The following CACHD1 variants were observed in gnomAD, a reference collection of about 807,000 sequenced individuals.
CACHD1 encodes cache domain containing 1, also known as VWFA and cache domain-containing protein 1.
A neutral mutation model predicts 138.7 loss-of-function variants in CACHD1; 71 were observed. That is an observed-to-expected ratio of 0.51 (90% confidence interval 0.42 to 0.62). CACHD1 has a LOEUF of 0.62. Among genes scored for constraint, CACHD1 ranks in the 20% least tolerant of loss-of-function variants. CACHD1 has a pLI of 0.00. For missense variants in CACHD1, 1,389 were observed against 1,625.3 expected (o/e 0.85, Z 2.50); for synonymous variants, 578 against 591.5 (o/e 0.98, Z 0.33).
intron 2 of CACHD1, among the ~76,000 whole-genome samples, chr1:64,574,062 G>C (rs980560991): frequency 6.6e-6 from 1 of 152,214 alleles, no homozygotes; most frequent in East Asian, 1.9e-4. Flanking sequence ...CTTCAAAGAG[G>C]TTGAAATTGG....
chr1:64,624,654 C>T (rs1431996449), intron 4 of CACHD1, among the ~76,000 whole-genome samples: 1 of 152,164 alleles, frequency 6.6e-6, no homozygotes, highest in East Asian at 1.9e-4. Context: ...CACAGACTGC[C>T]TTGACTCTCA....
chr1:64,515,251 AC>A (rs1258889758), intron 1 of CACHD1, among the ~76,000 whole-genome samples: 1 of 152,244 alleles, frequency 6.6e-6, no homozygotes, highest in Admixed American at 6.5e-5. Flanking sequence ...CCAGATACTT[AC>A]AAAAAATAAT....
At chr1:64,502,479 C>T (rs1485518068) in intron 1 of CACHD1, among the ~76,000 whole-genome samples, 1 of 152,122 alleles carries the variant, frequency 6.6e-6, no homozygotes. Context: ...AACACATGTG[C>T]CTGCTTGGTA....
intron 2 of CACHD1, among the ~76,000 whole-genome samples, chr1:64,569,470 A>G (rs544042438): frequency 3.6e-4 from 54 of 152,038 alleles, no homozygotes; most frequent in Non-Finnish European, 6.3e-4. Flanking sequence ...TGATTCTCAT[A>G]GTTTGTGTTC....
intron 1 of CACHD1, among the ~76,000 whole-genome samples, chr1:64,514,899 A>G (rs1646447959): frequency 6.6e-6 from 1 of 152,192 alleles, no homozygotes; most frequent in Non-Finnish European, 1.5e-5. Context: ...TAAATAACCT[A>G]TTCTATAATA....
rs147862812 is a variant in CACHD1, at chr1:64,495,539, C to T, written c.198+24597C>T. Among the ~76,000 whole-genome samples, 65 of 152,250 alleles carry T rather than the reference C, an allele frequency of 4.3e-4. 2 individuals carry two copies. The East Asian group carries it at 0.013, about 29-fold the overall frequency. On this transcript the variant is annotated intron_variant, in intron 1 of 26. Transcript: ENST00000651257. ...TGAATGACCACACAAAAGGGTATGTCCCCAATGTACTTGGTCTGTCTGCCT... is the reference window on the plus strand; with the variant it reads ...TGAATGACCACACAAAAGGGTATGTTCCCAATGTACTTGGTCTGTCTGCCT...
At chr1:64,558,319 G>T (rs1646813446) in intron 2 of CACHD1, among the ~76,000 whole-genome samples, 1 of 152,162 alleles carries the variant, frequency 6.6e-6, no homozygotes, top group African/African-American at 2.4e-5. Context: ...CTTTGCACAA[G>T]GTGCTGTTCA....
chr1:64,508,341 C>T (rs1646393023), intron 1 of CACHD1, among the ~76,000 whole-genome samples: 1 of 152,174 alleles, frequency 6.6e-6, no homozygotes, highest in Non-Finnish European at 1.5e-5. Flanking sequence ...ATGAGAATGC[C>T]TGGAGAGGTA....
intron 1 of CACHD1, among the ~76,000 whole-genome samples, chr1:64,510,938 G>GT (rs1304078738): frequency 6.6e-6 from 1 of 152,214 alleles, no homozygotes; most frequent in Admixed American, 6.5e-5. Context: ...TAATATGGCT[G>GT]TGGGTACATT....
chr1:64,528,749 AT>A (rs575741652), intron 1 of CACHD1, among the ~76,000 whole-genome samples: 36 of 151,240 alleles, frequency 2.4e-4, no homozygotes, highest in East Asian at 9.7e-4. Flanking sequence ...TATTATAAAC[AT>A]TTTTTTTTGT....
intron 1 of CACHD1, among the ~76,000 whole-genome samples, chr1:64,474,655 C>T (rs1246984824): frequency 2.0e-5 from 3 of 152,212 alleles, no homozygotes; most frequent in African/African-American, 4.8e-5. Context: ...TTTACATTCT[C>T]GAGGAGGAGA....
At chr1:64,578,433 A>T (rs1365024148) in intron 2 of CACHD1, among the ~76,000 whole-genome samples, 1 of 152,216 alleles carries the variant, frequency 6.6e-6, no homozygotes, top group Non-Finnish European at 1.5e-5. Flanking sequence ...CACCTGCTTC[A>T]ATATGTATAT....
intron 2 of CACHD1, 29 bp downstream of exon 2, chr1:64,550,685 C>T (rs768225746): frequency 6.8e-7 from 1 of 1,461,048 alleles, no homozygotes; most frequent in South Asian, 1.2e-5. Flanking sequence ...TTGACACTCC[C>T]TGTCTTTGTC....
intron 2 of CACHD1, among the ~76,000 whole-genome samples, chr1:64,565,865 G>A (rs1025078290): frequency 6.6e-6 from 1 of 152,186 alleles, no homozygotes; most frequent in Non-Finnish European, 1.5e-5. Context: ...ATGTGGCAGT[G>A]ACCAGATGTT....
At chr1:64,488,400 T>C (rs1646255495) in intron 1 of CACHD1, among the ~76,000 whole-genome samples, 1 of 152,218 alleles carries the variant, frequency 6.6e-6, no homozygotes, top group African/African-American at 2.4e-5. Flanking sequence ...AATTTCTTGT[T>C]GAATTTTCAT....
intron 2 of CACHD1, among the ~76,000 whole-genome samples, chr1:64,579,626 T>C (rs1208469744): frequency 2.6e-5 from 4 of 152,186 alleles, no homozygotes; most frequent in Non-Finnish European, 4.4e-5. Context: ...AACTTGCTTC[T>C]TGATGGAGCT....
In CACHD1 at chr1:64,506,779, T is replaced by C. The variant is rs12060410; in HGVS notation, c.198+35837T>C. ...AGATGTTCAAAGAGTACCTAGAAAA[T>C]TGTTTTAAATACAGTTAAAGCTGTT... On this transcript the variant is annotated intron_variant, in intron 1 of 26. Transcript: ENST00000651257. Among the ~76,000 whole-genome samples, 433 of 152,346 alleles carry C rather than the reference T, an allele frequency of 2.8e-3. 4 individuals are homozygous for C. The highest frequency in any genetic ancestry group is 9.2e-3 in the African/African-American group (383 of 41,580).
chr1:64,667,813 G>A (rs1396239824), intron 16 of CACHD1, among the ~76,000 whole-genome samples: 1 of 152,158 alleles, frequency 6.6e-6, no homozygotes, highest in Non-Finnish European at 1.5e-5. Flanking sequence ...CTCTCACCTG[G>A]CAGCTTATCA....
chr1:64,654,923 A>G, intron 12 of CACHD1, 120 bp downstream of exon 12: 2 of 701,038 alleles, frequency 2.9e-6, no homozygotes. Context: ...TAATGTGACT[A>G]ATCAGTTTTT....
Sources: allele counts gnomAD v4.1 joint callset (sites outside exome capture counted in the v4.1 genomes callset), GRCh38; gene constraint gnomAD v4.1.1; transcripts MANE v1.5; gene names NCBI Gene and HGNC (gene_info 2026-07-23, HGNC 2026-07-21).